Variants in ENOX1 observed in about 807,000 individuals in gnomAD.
ENOX1 encodes candidate growth-related and time keeping constitutive hydroquinone (NADH) oxidase.
In ENOX1, 42 loss-of-function variants were observed where a neutral mutation model predicts 82.5. The observed-to-expected ratio is 0.51, with a 90% CI of 0.40 to 0.66. ENOX1 has a LOEUF of 0.66. Ranked by LOEUF, ENOX1 falls within the 30% of genes least tolerant of loss-of-function variation. The pLI, the probability that ENOX1 is intolerant of heterozygous loss-of-function variation, is 0.00. For missense variants in ENOX1, 608 were observed against 811.6 expected (o/e 0.75, Z 3.05); for synonymous variants, 271 against 282.2 (o/e 0.96, Z 0.40).
chr13:43,298,519 G>A lies in ENOX1; in HGVS notation c.1273C>T (p.Gln425Ter). 1 of 1,610,414 alleles carries A rather than the reference G, an allele frequency of 6.2e-7. No individual in the cohort carries two copies. Among genetic ancestry groups the A allele is most frequent in the Non-Finnish European group, 8.5e-7 (1 of 1,178,672 alleles). ...TTCTCCTCTTTCAGAGCGTAGGCCT[G>A]GGCAGCCAGGGCTGAGGGACAAACA... The part of the protein sequence containing the change: ...MRVDESALAA[Q>*]AYALKEENDS... The change falls in exon 12 of 17, where the codon CAG (glutamine) becomes TAG (stop). Residue 425 changes from glutamine (Q) to a stop codon, truncating the protein, a stop_gained. Transcript: ENST00000690772. LOFTEE classifies it high-confidence loss of function.
At chr13:43,278,719 A>G (rs971425710) in intron 12 of ENOX1, among the ~76,000 whole-genome samples, 3 of 152,224 alleles carry the variant, frequency 2.0e-5, no homozygotes, top group African/African-American at 7.2e-5. Context: ...TTTACTGGAC[A>G]ATTATTTATA....
intron 2 of ENOX1, among the ~76,000 whole-genome samples, chr13:43,666,930 G>C (rs912394142): frequency 7.9e-5 from 12 of 152,074 alleles, no homozygotes; most frequent in African/African-American, 2.9e-4. Context: ...TAACCCAATG[G>C]GGACTGTTTA....
intron 2 of ENOX1, among the ~76,000 whole-genome samples, chr13:43,500,401 G>T (rs189382705): frequency 2.0e-5 from 3 of 152,078 alleles, no homozygotes; most frequent in African/African-American, 7.2e-5. Context: ...CAGAAATGTT[G>T]CAGGCAAGAT....
At chr13:43,664,569 C>T (rs1341426948) in intron 2 of ENOX1, among the ~76,000 whole-genome samples, 3 of 152,234 alleles carry the variant, frequency 2.0e-5, no homozygotes, top group African/African-American at 7.2e-5. Context: ...CACCATCACT[C>T]TGTTTGATCA....
intron 4 of ENOX1, 100 bp from the exon 5 acceptor site, chr13:43,412,153 T>C (rs571182458): frequency 2.2e-6 from 3 of 1,345,754 alleles, no homozygotes; most frequent in East Asian, 2.3e-5. Flanking sequence ...TTTAGCACAT[T>C]CCCAAACTAC....
chr13:43,493,123 C>T (rs962456387), intron 2 of ENOX1, among the ~76,000 whole-genome samples: 7 of 152,018 alleles, frequency 4.6e-5, no homozygotes, highest in African/African-American at 1.7e-4. Flanking sequence ...CTTAAAATAT[C>T]TTAAGATTCT....
At chr13:43,483,169 A>G (rs1209616293) in intron 3 of ENOX1, among the ~76,000 whole-genome samples, 1 of 152,214 alleles carries the variant, frequency 6.6e-6, no homozygotes, top group African/African-American at 2.4e-5. Context: ...GTGTCATGCT[A>G]GAAAGTACTG....
Position 43,532,091 on chromosome 13 carries a change from A to G in ENOX1, c.-218-47939T>C, listed in dbSNP as rs182959641. ...AAGTATAATAAAATAAAATTTAAAA[A>G]AAGAAAGTTAAAAAAGTTTTAATTT... On this transcript the variant is annotated intron_variant, in intron 2 of 16. Coordinates refer to ENST00000690772, the MANE Select transcript of ENOX1 (RefSeq NM_001347969.2). Among the ~76,000 whole-genome samples, 25 of 148,778 alleles carry G rather than the reference A, an allele frequency of 1.7e-4. No individual in the cohort carries two copies. In the East Asian group the frequency reaches 4.2e-3, roughly 25 times the overall value.
At chr13:43,531,062 C>A (rs985302327) in intron 2 of ENOX1, among the ~76,000 whole-genome samples, 1 of 151,510 alleles carries the variant, frequency 6.6e-6, no homozygotes, top group Admixed American at 6.6e-5. Flanking sequence ...TACAAAAAAA[C>A]TAAAATAATA....
chr13:43,722,360 A>T (rs1364896724), intron 1 of ENOX1, among the ~76,000 whole-genome samples: 3 of 152,206 alleles, frequency 2.0e-5, no homozygotes, highest in Non-Finnish European at 4.4e-5. Flanking sequence ...ATGTTCACAG[A>T]GGGATGTAGG....
At chr13:43,432,604 C>T (rs2055745067) in intron 3 of ENOX1, among the ~76,000 whole-genome samples, 2 of 152,100 alleles carry the variant, frequency 1.3e-5, no homozygotes, top group South Asian at 4.1e-4. Flanking sequence ...GATTGTACCA[C>T]TGCACTCCAG....
intron 1 of ENOX1, among the ~76,000 whole-genome samples, chr13:43,763,665 G>A (rs1355337563): frequency 1.3e-5 from 2 of 152,088 alleles, no homozygotes; most frequent in Non-Finnish European, 2.9e-5. Flanking sequence ...ATACCTCTGA[G>A]AACTTCCTAA....
intron 11 of ENOX1, among the ~76,000 whole-genome samples, chr13:43,302,031 A>G (rs934115211): frequency 1.3e-5 from 2 of 152,118 alleles, no homozygotes; most frequent in Non-Finnish European, 2.9e-5. Context: ...TTTTGAAAAA[A>G]TGTGTCATCA....
chr13:43,221,813 C>G (rs2041804744), intron 16 of ENOX1, among the ~76,000 whole-genome samples: 1 of 152,140 alleles, frequency 6.6e-6, no homozygotes, highest in Non-Finnish European at 1.5e-5. Flanking sequence ...CTGACCACAA[C>G]AGTGACATTA....
intron 5 of ENOX1, among the ~76,000 whole-genome samples, chr13:43,408,523 A>C (rs1338831301): frequency 6.6e-6 from 1 of 152,194 alleles, no homozygotes; most frequent in Non-Finnish European, 1.5e-5. Context: ...CTGAAACATT[A>C]AAGGCTGCCT....
chr13:43,484,888 G>A (rs2076361451), intron 2 of ENOX1, among the ~76,000 whole-genome samples: 1 of 152,168 alleles, frequency 6.6e-6, no homozygotes, highest in African/African-American at 2.4e-5. Context: ...CTTAGACAAA[G>A]AGAGAACTTG....
At chr13:43,642,377 A>G (rs950587074) in intron 2 of ENOX1, among the ~76,000 whole-genome samples, 1 of 152,206 alleles carries the variant, frequency 6.6e-6, no homozygotes, top group Admixed American at 6.5e-5. Context: ...CATTGGTAAT[A>G]AATAAATTAA....
At chr13:43,344,485 A>T in intron 9 of ENOX1, 53 bp downstream of exon 9, 2 of 1,480,854 alleles carry the variant, frequency 1.4e-6, no homozygotes, top group Non-Finnish European at 1.9e-6. Flanking sequence ...AAATTAATAA[A>T]AAAGAAAAGG....
At chr13:43,580,802 G>A (rs1052754807) in intron 2 of ENOX1, among the ~76,000 whole-genome samples, 3 of 152,286 alleles carry the variant, frequency 2.0e-5, no homozygotes, top group East Asian at 3.9e-4. Flanking sequence ...ATTTTGTACT[G>A]TATGTACAGA....
Sources: allele counts gnomAD v4.1 joint callset (sites outside exome capture counted in the v4.1 genomes callset), GRCh38; gene constraint gnomAD v4.1.1; transcripts MANE v1.5; gene names NCBI Gene and HGNC (gene_info 2026-07-23, HGNC 2026-07-21).